The following GPM6A variants were observed in gnomAD, a reference collection of about 807,000 sequenced individuals.
The protein encoded by GPM6A is neuronal membrane glycoprotein M6-a.
In GPM6A, 7 loss-of-function variants were observed where a neutral mutation model predicts 32.1. The ratio of observed to expected loss-of-function variants is 0.22; its 90% CI spans 0.12 to 0.41. The LOEUF is 0.41. GPM6A is among the 10% of genes least tolerant of loss of function. GPM6A has a pLI of 1.00. For synonymous variants in GPM6A, 130 were observed against 123.4 expected (o/e 1.05, Z -0.35); for missense variants, 235 against 347.2 (o/e 0.68, Z 2.57).
In GPM6A at chr4:175,766,226, A is replaced by C. The variant is rs1732960454; in HGVS notation, c.37+45965T>G. 2.6e-5 allele frequency among the ~76,000 whole-genome samples: 4 copies of C among 152,326 alleles called. 1 individual carries two copies. The South Asian group carries it at 8.3e-4, about 32-fold the overall frequency. ...GATCTCTAGAATAGTTCATGTAATT[A>C]AAATTTTCATAAAATACTAAAATTA... On this transcript the variant is annotated intron_variant, in intron 1 of 6. Transcript: ENST00000393658.
intron 1 of GPM6A, among the ~76,000 whole-genome samples, chr4:175,715,447 C>T (rs945942139): frequency 3.3e-5 from 5 of 152,208 alleles, no homozygotes; most frequent in East Asian, 1.9e-4. Context: ...CTTGCACGTA[C>T]GGCACCTCAG....
At chr4:175,749,565 G>A (rs1732239811) in intron 1 of GPM6A, among the ~76,000 whole-genome samples, 1 of 152,120 alleles carries the variant, frequency 6.6e-6, no homozygotes, top group Non-Finnish European at 1.5e-5. Flanking sequence ...GTATAGTAAT[G>A]TGTTCTTTGG....
intron 1 of GPM6A, among the ~76,000 whole-genome samples, chr4:175,776,553 T>C (rs772419032): frequency 9.2e-5 from 14 of 152,156 alleles, no homozygotes; most frequent in Non-Finnish European, 2.1e-4. Context: ...TATTCAACCA[T>C]TGATCTTGGA....
chr4:175,763,309 G>A (rs1204498890), intron 1 of GPM6A, among the ~76,000 whole-genome samples: 1 of 152,060 alleles, frequency 6.6e-6, no homozygotes, highest in African/African-American at 2.4e-5. Flanking sequence ...ACTGTGCCTG[G>A]CCCAGAAATG....
rs773267254 is a variant in GPM6A, at chr4:175,734,155, TATATA to T, written c.38-32393_38-32389del. On this transcript the variant is annotated intron_variant, in intron 1 of 6. Coordinates refer to ENST00000393658, the MANE Select transcript of GPM6A (RefSeq NM_201591.3). Reference sequence around the variant, plus strand: ...TTTGCCATATATATATATATATATATATATATTTTTTAATTTCAACATCTGATTGC... The same window carrying T: ...TTTGCCATATATATATATATATATATTTTTTTAATTTCAACATCTGATTGC... 7.5e-4 allele frequency among the ~76,000 whole-genome samples: 103 copies of T among 136,828 alleles called. 1 individual carries two copies. The highest frequency in any genetic ancestry group is 5.5e-3 in the South Asian group (20 of 3,644). The allele number at this position is 136,828 out of a possible 152,430, so 89.8% of individuals were successfully genotyped here.
intron 1 of GPM6A, among the ~76,000 whole-genome samples, chr4:175,895,213 T>C (rs1737760079): frequency 6.6e-6 from 1 of 152,150 alleles, no homozygotes; most frequent in South Asian, 2.1e-4. Context: ...CCAACTTGCT[T>C]TTAAATATGT....
At chr4:175,908,267 T>G (rs1055702467) in intron 1 of GPM6A, among the ~76,000 whole-genome samples, 4 of 152,140 alleles carry the variant, frequency 2.6e-5, no homozygotes, top group African/African-American at 4.8e-5. Flanking sequence ...CTATTACCAC[T>G]CATACACAAA....
chr4:175,748,427 T>C (rs538578953), intron 1 of GPM6A, among the ~76,000 whole-genome samples: 15 of 152,356 alleles, frequency 9.8e-5, no homozygotes, highest in Non-Finnish European at 2.1e-4. Flanking sequence ...TTAGCAGGCA[T>C]GAAAACATTA....
intron 1 of GPM6A, among the ~76,000 whole-genome samples, chr4:175,780,036 C>A (rs1579491925): frequency 6.6e-6 from 1 of 151,032 alleles, no homozygotes; most frequent in Admixed American, 6.6e-5. Context: ...TATTTTAATT[C>A]ATGTGTTAAC....
At chr4:175,846,097 T>A (rs1736078757) in intron 1 of GPM6A, among the ~76,000 whole-genome samples, 1 of 152,074 alleles carries the variant, frequency 6.6e-6, no homozygotes, top group African/African-American at 2.4e-5. Flanking sequence ...CCCTAATGTG[T>A]CGTAACATCG....
chr4:175,982,281 C>T (rs953896361), intron 1 of GPM6A, among the ~76,000 whole-genome samples: 2 of 151,962 alleles, frequency 1.3e-5, no homozygotes, highest in South Asian at 2.1e-4. Context: ...TCTTTCAAAA[C>T]GAGACTTTTT....
chr4:175,646,798 T>C (rs1008323573), intron 4 of GPM6A, among the ~76,000 whole-genome samples: 4 of 152,192 alleles, frequency 2.6e-5, no homozygotes, highest in Non-Finnish European at 5.9e-5. Context: ...TCACCACATC[T>C]AGACAATGAG....
intron 1 of GPM6A, among the ~76,000 whole-genome samples, chr4:175,795,231 T>C (rs1375256488): frequency 6.6e-6 from 1 of 152,184 alleles, no homozygotes; most frequent in Non-Finnish European, 1.5e-5. Flanking sequence ...GTAGAGTTGA[T>C]TCAACAGTCA....
chr4:175,796,359 CTG>C (rs543253081), intron 1 of GPM6A, among the ~76,000 whole-genome samples: 2 of 152,186 alleles, frequency 1.3e-5, no homozygotes, highest in Non-Finnish European at 2.9e-5. Flanking sequence ...GAATAAAAAT[CTG>C]TTTTTATCAT....
intron 1 of GPM6A, among the ~76,000 whole-genome samples, chr4:175,825,643 C>A (rs908764991): frequency 1.3e-5 from 2 of 152,106 alleles, no homozygotes; most frequent in Non-Finnish European, 2.9e-5. Flanking sequence ...CAATCTTTAA[C>A]ATCACCCATA....
chr4:175,936,574 TA>T (rs1370100911), intron 1 of GPM6A, among the ~76,000 whole-genome samples: 1 of 151,998 alleles, frequency 6.6e-6, no homozygotes, highest in African/African-American at 2.4e-5. Context: ...AATAAATAAC[TA>T]AATGTTAAAG....
At chr4:175,987,594 G>A (rs1350683185) in intron 1 of GPM6A, among the ~76,000 whole-genome samples, 1 of 151,430 alleles carries the variant, frequency 6.6e-6, no homozygotes, top group Non-Finnish European at 1.5e-5. Context: ...TGGTGACTTT[G>A]TTAAGCTATT....
chr4:175,798,076 G>A (rs1161913409), intron 1 of GPM6A, among the ~76,000 whole-genome samples: 1 of 152,150 alleles, frequency 6.6e-6, no homozygotes, highest in African/African-American at 2.4e-5. Flanking sequence ...AATAGGTGAT[G>A]CTTGCTAAAG....
intron 1 of GPM6A, among the ~76,000 whole-genome samples, chr4:175,850,643 G>A (rs1160412908): frequency 6.6e-6 from 1 of 151,758 alleles, no homozygotes; most frequent in African/African-American, 2.4e-5. Flanking sequence ...AATCTCAGGT[G>A]GAATTTTCTT....
Sources: allele counts gnomAD v4.1 joint callset (sites outside exome capture counted in the v4.1 genomes callset), GRCh38; gene constraint gnomAD v4.1.1; transcripts MANE v1.5; gene names NCBI Gene and HGNC (gene_info 2026-07-23, HGNC 2026-07-21).